The following FSTL5 variants were observed in gnomAD, a reference collection of about 807,000 sequenced individuals.
The protein encoded by FSTL5 is follistatin-related protein 5.
In FSTL5, 62 loss-of-function variants were observed where a neutral mutation model predicts 89.1. The observed-to-expected ratio is 0.70, with a 90% CI of 0.57 to 0.86. FSTL5 has a LOEUF of 0.86. Ranked by LOEUF, FSTL5 falls within the 40% of genes least tolerant of loss-of-function variation. The probability of loss-of-function intolerance (pLI) is 0.00; values close to 1 mark genes in which losing one functional copy is unlikely to be tolerated. For missense variants in FSTL5, 1,057 were observed against 1,001.6 expected, an observed-to-expected ratio of 1.06 and a Z score of -0.75; for synonymous variants, 383 against 346.2, an observed-to-expected ratio of 1.11 and a Z score of -1.18.
intron 4 of FSTL5, among the ~76,000 whole-genome samples, chr4:161,820,957 AC>A (rs1230282629): frequency 2.1e-5 from 3 of 145,394 alleles, no homozygotes; most frequent in Admixed American, 6.9e-5. Context: ...AAAAAAAAAA[AC>A]CACCAAACTC....
At chr4:161,435,323 A>G (rs952810683) in intron 15 of FSTL5, among the ~76,000 whole-genome samples, 1 of 152,166 alleles carries the variant, frequency 6.6e-6, no homozygotes, top group East Asian at 1.9e-4. Context: ...ACAGGCACAG[A>G]AAGACAAACA....
chr4:161,577,501 A>T (rs976556167), intron 8 of FSTL5, among the ~76,000 whole-genome samples: 2 of 148,236 alleles, frequency 1.3e-5, no homozygotes, highest in African/African-American at 4.9e-5. Context: ...AGGAAACAAG[A>T]TGTGGTGTAT....
intron 4 of FSTL5, among the ~76,000 whole-genome samples, chr4:161,908,105 T>C (rs2110818602): frequency 6.6e-6 from 1 of 152,082 alleles, no homozygotes; most frequent in Admixed American, 6.6e-5. Flanking sequence ...CCAATGCTAA[T>C]CTAACCTAAA....
intron 1 of FSTL5, among the ~76,000 whole-genome samples, chr4:162,154,735 G>A (rs1384937863): frequency 6.6e-6 from 1 of 151,870 alleles, no homozygotes; most frequent in African/African-American, 2.4e-5. Context: ...TGTAACAAAT[G>A]CAAGCATAAA....
At chr4:161,436,994 A>T (rs1449657804) in intron 15 of FSTL5, among the ~76,000 whole-genome samples, 1 of 152,218 alleles carries the variant, frequency 6.6e-6, no homozygotes, top group African/African-American at 2.4e-5. Flanking sequence ...TAATTTTGTT[A>T]TTAAGGGCCT....
intron 4 of FSTL5, among the ~76,000 whole-genome samples, chr4:161,869,540 C>T (rs1184350672): frequency 2.0e-5 from 3 of 152,154 alleles, no homozygotes; most frequent in African/African-American, 7.2e-5. Context: ...GGTTTTAAAG[C>T]AAAGGTGAGT....
chr4:161,974,362 C>T (rs1337851467), intron 3 of FSTL5, among the ~76,000 whole-genome samples: 10 of 150,988 alleles, frequency 6.6e-5, no homozygotes, highest in African/African-American at 2.4e-4. Flanking sequence ...TACTACAAGG[C>T]TACAGTAACC....
chr4:161,913,634 G>T (rs903347445), intron 4 of FSTL5, among the ~76,000 whole-genome samples: 2 of 152,194 alleles, frequency 1.3e-5, no homozygotes, highest in Non-Finnish European at 2.9e-5. Flanking sequence ...CAGCCAGGAG[G>T]GAGTCTGTAC....
chr4:162,089,189 C>T (rs369024274), intron 2 of FSTL5, among the ~76,000 whole-genome samples: 1 of 152,072 alleles, frequency 6.6e-6, no homozygotes, highest in Non-Finnish European at 1.5e-5. Context: ...GGCACCTTAA[C>T]GGTGTACTTC....
intron 8 of FSTL5, among the ~76,000 whole-genome samples, chr4:161,545,049 TTC>T (rs1560946830): frequency 6.6e-6 from 1 of 152,066 alleles, no homozygotes; most frequent in Admixed American, 6.6e-5. Flanking sequence ...ATTGATAACT[TTC>T]TGTTTCTAGT....
At chr4:161,563,662 C>T (rs1349009153) in intron 8 of FSTL5, among the ~76,000 whole-genome samples, 1 of 151,992 alleles carries the variant, frequency 6.6e-6, no homozygotes, top group Non-Finnish European at 1.5e-5. Flanking sequence ...CACCCCGTAG[C>T]AGTCAATGGA....
chr4:161,781,767 T>G (rs967282194), intron 4 of FSTL5, among the ~76,000 whole-genome samples: 35 of 152,210 alleles, frequency 2.3e-4, no homozygotes, highest in African/African-American at 8.0e-4. Flanking sequence ...TATGCTACTT[T>G]AGATACATTA....
At chr4:161,588,069 G>A (rs1269384612) in intron 7 of FSTL5, among the ~76,000 whole-genome samples, 2 of 152,130 alleles carry the variant, frequency 1.3e-5, no homozygotes, top group Non-Finnish European at 2.9e-5. Flanking sequence ...AGTTACTCCA[G>A]AGGCTGAGGC....
rs1468314598 is a variant in FSTL5 at position 161,619,650 on chromosome 4, C to T, written c.895-32075G>A. On this transcript the variant is annotated intron_variant, in intron 7 of 15. Coordinates refer to ENST00000306100, the MANE Select transcript of FSTL5 (RefSeq NM_020116.5). Reference sequence around the variant, plus strand: ...AAAACCACAATGAGATACCATCTCACACCAGTTAGAATGGCAATCATTAAA... The same window carrying T: ...AAAACCACAATGAGATACCATCTCATACCAGTTAGAATGGCAATCATTAAA... Among the ~76,000 whole-genome samples, 7 of 152,140 alleles carry T rather than the reference C, an allele frequency of 4.6e-5. No individual in the cohort carries two copies. In the East Asian group the frequency reaches 1.2e-3, roughly 25 times the overall value.
intron 11 of FSTL5, among the ~76,000 whole-genome samples, chr4:161,503,485 C>T (rs1730371636): frequency 6.6e-6 from 1 of 151,874 alleles, no homozygotes; most frequent in Non-Finnish European, 1.5e-5. Flanking sequence ...GGCATATATG[C>T]ATGTGTGATA....
chr4:161,676,423 T>C (rs1164653523), intron 6 of FSTL5, among the ~76,000 whole-genome samples: 1 of 152,084 alleles, frequency 6.6e-6, no homozygotes, highest in African/African-American at 2.4e-5. Flanking sequence ...AAACACCGCA[T>C]GTTCTCACTC....
chr4:161,728,636 C>T (rs1327082436), intron 6 of FSTL5, among the ~76,000 whole-genome samples: 7 of 151,960 alleles, frequency 4.6e-5, no homozygotes, highest in Non-Finnish European at 8.8e-5. Context: ...AACCCTAATA[C>T]TGAATACATA....
chr4:161,862,866 A>G (rs2126891898), intron 4 of FSTL5, among the ~76,000 whole-genome samples: 1 of 152,364 alleles, frequency 6.6e-6, no homozygotes, highest in South Asian at 2.1e-4. Flanking sequence ...TATCTGAAAA[A>G]TAAAAGCTGT....
intron 7 of FSTL5, among the ~76,000 whole-genome samples, chr4:161,609,775 G>A (rs1734576335): frequency 6.6e-6 from 1 of 152,090 alleles, no homozygotes; most frequent in Non-Finnish European, 1.5e-5. Context: ...TCCCTTTAGG[G>A]CAGTGCAAAG....
Sources: allele counts gnomAD v4.1 joint callset (sites outside exome capture counted in the v4.1 genomes callset), GRCh38; gene constraint gnomAD v4.1.1; transcripts MANE v1.5; gene names NCBI Gene and HGNC (gene_info 2026-07-23, HGNC 2026-07-21).